RBFOX1: variants seen among roughly 807,000 people sequenced by gnomAD.
RBFOX1 encodes RNA binding fox-1 homolog 1, also known as RNA binding protein fox-1 homolog 1.
RBFOX1 carries 8 observed loss-of-function variants against 57.7 expected under a neutral mutation model. The observed-to-expected ratio is 0.14, with a 90% confidence interval of 0.08 to 0.25. The LOEUF (loss-of-function observed/expected upper bound fraction) is 0.25, where lower values mean the gene tolerates loss of function less well. RBFOX1 is among the 10% of genes least tolerant of loss of function. RBFOX1 has a pLI of 1.00. For missense variants in RBFOX1, 611 were observed against 548.5 expected (o/e 1.11, Z -1.14); for synonymous variants, 326 against 222.4 (o/e 1.47, Z -4.15).
At chr16:7,524,372 C>T (rs2078205100) in intron 5 of RBFOX1, among the ~76,000 whole-genome samples, 1 of 152,134 alleles carries the variant, frequency 6.6e-6, no homozygotes, top group Non-Finnish European at 1.5e-5. Flanking sequence ...CCCTGCAGGC[C>T]TTTTTTTCTG....
intron 3 of RBFOX1, among the ~76,000 whole-genome samples, chr16:6,974,427 T>C (rs8060528): frequency 0.81 from 119,215 of 147,880 alleles, 48,580 homozygotes; most frequent in African/African-American, 0.95. Flanking sequence ...TCACTGCAAC[T>C]TTCGCCTCCC....
chr16:5,718,096 C>T (rs1371932095), intron 3 of RBFOX1, among the ~76,000 whole-genome samples: 2 of 152,202 alleles, frequency 1.3e-5, no homozygotes, highest in Non-Finnish European at 2.9e-5. Flanking sequence ...GAATACGATG[C>T]ACACATAGGG....
intron 4 of RBFOX1, among the ~76,000 whole-genome samples, chr16:7,068,686 C>T (rs7190103): frequency 0.71 from 107,730 of 151,674 alleles, 38,988 homozygotes; most frequent in East Asian, 0.91. Flanking sequence ...CCTCCGGGTT[C>T]AGGAGATTCT....
At chr16:7,062,552 G>C (rs973270816) in intron 4 of RBFOX1, among the ~76,000 whole-genome samples, 2 of 152,102 alleles carry the variant, frequency 1.3e-5, no homozygotes, top group East Asian at 3.9e-4. Flanking sequence ...TATTCTATTT[G>C]GGTTAAATTT....
intron 4 of RBFOX1, among the ~76,000 whole-genome samples, chr16:7,153,452 G>C (rs368936042): frequency 2.6e-5 from 4 of 152,152 alleles, no homozygotes; most frequent in African/African-American, 7.2e-5. Context: ...AAGGACATCT[G>C]TTGGCCGGGC....
chr16:6,677,721 C>T (rs564296221), intron 3 of RBFOX1, among the ~76,000 whole-genome samples: 106 of 152,232 alleles, frequency 7.0e-4, no homozygotes, highest in Admixed American at 2.0e-3. Flanking sequence ...CTTTTTTCCT[C>T]TTTTGTAACT....
At chr16:5,359,259 A>G (rs756344274) in intron 1 of RBFOX1, among the ~76,000 whole-genome samples, 1 of 152,218 alleles carries the variant, frequency 6.6e-6, no homozygotes, top group Non-Finnish European at 1.5e-5. Flanking sequence ...TATTGGGAAC[A>G]GTGCTGTACC....
chr16:6,837,362 G>C (rs888494148), intron 3 of RBFOX1, among the ~76,000 whole-genome samples: 1 of 152,198 alleles, frequency 6.6e-6, no homozygotes, highest in East Asian at 1.9e-4. Context: ...TGGAGTCAGA[G>C]TTCTTGGGTT....
intron 2 of RBFOX1, among the ~76,000 whole-genome samples, chr16:6,320,162 A>G (rs78363168): frequency 0.017 from 2,586 of 152,306 alleles, 60 homozygotes; most frequent in African/African-American, 0.055. Context: ...AAGATGGTGT[A>G]TTAGCTGTTA....
intron 1 of RBFOX1, among the ~76,000 whole-genome samples, chr16:5,386,800 C>A (rs924596953): frequency 6.6e-6 from 1 of 152,196 alleles, no homozygotes; most frequent in Non-Finnish European, 1.5e-5. Flanking sequence ...CCTGTAACCC[C>A]AGCACTTTGG....
intron 2 of RBFOX1, among the ~76,000 whole-genome samples, chr16:6,646,928 CA>C (rs1271244990): frequency 1.1e-4 from 16 of 152,238 alleles, no homozygotes; most frequent in African/African-American, 3.6e-4. Flanking sequence ...CACATGATCC[CA>C]CGTCCTAGGA....
chr16:5,784,831 C>T (rs1333058053), intron 3 of RBFOX1, among the ~76,000 whole-genome samples: 1 of 152,072 alleles, frequency 6.6e-6, no homozygotes, highest in Non-Finnish European at 1.5e-5. Context: ...ATCTATGAAC[C>T]AGGAGGTAAG....
intron 1 of RBFOX1, among the ~76,000 whole-genome samples, chr16:6,061,083 C>T (rs1472420352): frequency 2.6e-5 from 4 of 152,164 alleles, no homozygotes; most frequent in Non-Finnish European, 4.4e-5. Flanking sequence ...TTACTGACAA[C>T]AGAACCTGAT....
intron 3 of RBFOX1, among the ~76,000 whole-genome samples, chr16:6,727,408 GT>G (rs2067485755): frequency 6.6e-6 from 1 of 151,644 alleles, no homozygotes; most frequent in Non-Finnish European, 1.5e-5. Flanking sequence ...TTTTACAATT[GT>G]TCCTGGTTTT....
chr16:6,816,703 G>A (rs1471676506), intron 3 of RBFOX1, among the ~76,000 whole-genome samples: 4 of 144,866 alleles, frequency 2.8e-5, no homozygotes, highest in Admixed American at 1.4e-4. Context: ...CTGCACCACT[G>A]CACTCCAGCC....
intron 1 of RBFOX1, among the ~76,000 whole-genome samples, chr16:5,455,464 G>A (rs529602708): frequency 1.3e-5 from 2 of 152,042 alleles, no homozygotes; most frequent in Admixed American, 1.3e-4. Context: ...TGATAGGAGG[G>A]GTATCAAATC....
At chr16:6,596,665 G>T (rs564774202) in intron 2 of RBFOX1, among the ~76,000 whole-genome samples, 1 of 152,250 alleles carries the variant, frequency 6.6e-6, no homozygotes, top group East Asian at 1.9e-4. Flanking sequence ...TTGTATATAT[G>T]TGACTTAGAT....
rs559616205 is a variant in RBFOX1, at chr16:7,424,530, G to T, written c.28-93617G>T. ...CCACCTCGGCTTCCAAAAGTGCCGG[G>T]ATTACAGGTGTGAACCACCTCACCT... On this transcript the variant is annotated intron_variant, in intron 4 of 15. Transcript: ENST00000550418. Among the ~76,000 whole-genome samples, 10 of 152,322 alleles carry T rather than the reference G, an allele frequency of 6.6e-5. No homozygotes were observed. The South Asian group carries it at 1.9e-3, about 28-fold the overall frequency.
At chr16:5,995,296 C>G (rs2060471492) in intron 4 of RBFOX1, among the ~76,000 whole-genome samples, 1 of 152,098 alleles carries the variant, frequency 6.6e-6, no homozygotes, top group Admixed American at 6.6e-5. Context: ...GCACATATAT[C>G]TTAGAGCCCA....
Sources: allele counts gnomAD v4.1 joint callset (sites outside exome capture counted in the v4.1 genomes callset), GRCh38; gene constraint gnomAD v4.1.1; transcripts MANE v1.5; gene names NCBI Gene and HGNC (gene_info 2026-07-23, HGNC 2026-07-21).